Variants in PARP4 observed in about 807,000 individuals in gnomAD.
PARP4 encodes protein mono-ADP-ribosyltransferase PARP4.
Under a neutral mutation model 187.7 loss-of-function variants are expected in PARP4, and 120 were observed. The observed-to-expected ratio is 0.64, with a 90% confidence interval of 0.55 to 0.74. The LOEUF is 0.74. PARP4 is among the 30% of genes least tolerant of loss of function. The pLI is 0.00. For missense variants in PARP4, 1,836 were observed against 2,070.5 expected (o/e 0.89, Z 2.20); for synonymous variants, 654 against 740.9 (o/e 0.88, Z 1.90).
At chr13:24,490,370 T>C (rs1868571945) in intron 10 of PARP4, among the ~76,000 whole-genome samples, 1 of 152,132 alleles carries the variant, frequency 6.6e-6, no homozygotes, top group Non-Finnish European at 1.5e-5. Context: ...TTTAAGTGGC[T>C]TTTTCTCTGT....
At chr13:24,442,893 G>C (rs1871019303) in intron 28 of PARP4, among the ~76,000 whole-genome samples, 1 of 152,126 alleles carries the variant, frequency 6.6e-6, no homozygotes, top group Non-Finnish European at 1.5e-5. Flanking sequence ...AGTTCAGAGA[G>C]CTCTCCCGGG....
intron 20 of PARP4, among the ~76,000 whole-genome samples, chr13:24,456,844 G>A (rs1169006336): frequency 6.6e-6 from 1 of 152,070 alleles, no homozygotes; most frequent in Non-Finnish European, 1.5e-5. Flanking sequence ...AGGTTGCAGT[G>A]AGCCAAGATC....
intron 21 of PARP4, 76 bp from the exon 22 acceptor site, chr13:24,455,288 A>G (rs2137475078): frequency 9.1e-7 from 1 of 1,094,186 alleles, no homozygotes; most frequent in Non-Finnish European, 1.3e-6. Flanking sequence ...GAAAACTCCA[A>G]AACTTTCTAG....
chr13:24,435,450 G>T lies in PARP4; in HGVS notation c.3691C>A (p.Pro1231Thr), dbSNP rs1264924698. Residue 1231 changes from proline (P) to threonine (T), a missense_variant, in exon 31 of 34, where the codon CCA (proline) becomes ACA (threonine). Around this residue, in one of 8 missense-constraint regions of PARP4, gnomAD observed 450 missense variants for 439.2 expected, o/e 1.02. Transcript: ENST00000381989. ...TTTCGTTTGGATAAACGTAATTCTG[G>T]CCACTCAGAGGATGCTAAAAGAGAC... is the stretch of plus-strand genomic sequence containing the variant. ...NQSLLASSEW[P>T]ELRLSKRKHR... 8 of 1,604,166 alleles carry T rather than the reference G, an allele frequency of 5.0e-6. No individual in the cohort carries two copies. The South Asian group carries it at 7.8e-5, about 16-fold the overall frequency.
At chr13:24,475,354 G>T in intron 15 of PARP4, 118 bp downstream of exon 15, 3 of 1,021,476 alleles carry the variant, frequency 2.9e-6, no homozygotes, top group Non-Finnish European at 2.9e-6. Flanking sequence ...AATATCTCTT[G>T]AATAAAATAC....
At position 24,459,324 on chromosome 13, in the gene PARP4, A is replaced by G; in HGVS notation, c.2299-14T>C. On this transcript the variant is annotated splice_polypyrimidine_tract_variant and intron_variant, in intron 18 of 33. Transcript: ENST00000381989. ...CTCTACTGTATCCTGTTAAAAGAAA[A>G]ATACATTTGTATAACTAAGCATATA... 1 of 1,530,820 alleles carries G rather than the reference A, an allele frequency of 6.5e-7. No homozygotes were observed. The highest frequency in any genetic ancestry group is 8.9e-7 in the Non-Finnish European group (1 of 1,126,606). 94.8% of individuals were successfully genotyped at this position (1,530,820 alleles called of 1,614,324 possible).
Position 24,452,430 on chromosome 13 carries a change from G to T in PARP4, c.2990C>A (p.Thr997Asn). 6.2e-7 allele frequency: 1 copy of T among 1,613,692 alleles called. No homozygotes were observed. The highest frequency in any genetic ancestry group is 8.5e-7 in the Non-Finnish European group (1 of 1,179,880). Residue 997 changes from threonine (T) to asparagine (N), a missense_variant, in exon 24 of 34, where the codon ACC (threonine) becomes AAC (asparagine). Transcript: ENST00000381989. ...LQLVKRSRPHTRLFACGIGST... is the reference protein window; with the variant it reads ...LQLVKRSRPHNRLFACGIGST... The stretch of plus-strand genomic sequence containing the variant: ...CCCGATACCGCAGGCGAATAACCTG[G>T]TGTGCGGGCGGCTCCTCTTCACGAG...
rs762759487 is a variant in PARP4 at position 24,470,039 on chromosome 13, A to G, written c.1915-14T>C. On this transcript the variant is annotated splice_polypyrimidine_tract_variant and intron_variant, in intron 15 of 33. Coordinates refer to ENST00000381989, the MANE Select transcript of PARP4 (RefSeq NM_006437.4). ...AAAAACAATGACCTGAAGAAGAAAA[A>G]AAATCCATACAATTGATGAGACCAC... The G allele has an allele frequency of 1.7e-5, 28 of 1,609,550 alleles. No individual in the cohort carries two copies. The highest frequency in any genetic ancestry group is 2.3e-5 in the Non-Finnish European group (27 of 1,177,840).
At chr13:24,464,320 A>G (rs1219464539) in intron 17 of PARP4, among the ~76,000 whole-genome samples, 1 of 152,206 alleles carries the variant, frequency 6.6e-6, no homozygotes, top group Non-Finnish European at 1.5e-5. Context: ...ATGGAACCAA[A>G]AAAGAGCCTG....
In PARP4 at chr13:24,435,242, G is replaced by A; in HGVS notation, c.3899C>T (p.Pro1300Leu). Residue 1300 changes from proline (P) to leucine (L), a missense_variant, in exon 31 of 34, where the codon CCA becomes CTA. Transcript: ENST00000381989. ...CCATGGACTGACTTTCTTAAATAGT[G>A]GTTCAGTTGCTGTTGGTTTACATGA... The part of the protein sequence containing the change: ...TESCKPTATE[P>L]LFKKVSPWET... 6.2e-7 allele frequency: 1 copy of A among 1,613,978 alleles called. No homozygotes were observed. The highest frequency in any genetic ancestry group is 8.5e-7 in the Non-Finnish European group (1 of 1,179,988).
intron 5 of PARP4, among the ~76,000 whole-genome samples, chr13:24,498,570 C>T (rs948339087): frequency 2.0e-5 from 3 of 152,052 alleles, no homozygotes; most frequent in Non-Finnish European, 4.4e-5. Context: ...TGGAACATCA[C>T]TTTGAAGGCT....
chr13:24,479,363 A>G (rs1375827109), intron 12 of PARP4, among the ~76,000 whole-genome samples: 1 of 151,212 alleles, frequency 6.6e-6, no homozygotes, highest in Non-Finnish European at 1.5e-5. Context: ...ATTAAACCCC[A>G]CTCTGGACTT....
intron 12 of PARP4, among the ~76,000 whole-genome samples, chr13:24,479,594 G>T (rs532805953): frequency 1.3e-5 from 2 of 152,156 alleles, no homozygotes; most frequent in East Asian, 3.9e-4. Flanking sequence ...ACCTTTGTGT[G>T]GACACTCTGT....
chr13:24,501,554 T>G, intron 3 of PARP4, 79 bp downstream of exon 3: 1 of 909,252 alleles, frequency 1.1e-6, no homozygotes, highest in South Asian at 1.5e-5. Context: ...GACAATTCTC[T>G]GCCTATGGTA....
At position 24,486,213 on chromosome 13, in the gene PARP4, A is replaced by G; in HGVS notation, c.1307T>C (p.Leu436Ser). ...FLSKLGNVRP[L>S]LHGSPVQNIV... ...GTTTTGTACAGGAGAACCATGCAACAAGGGCCTCACATTACCAAGTTTGCT... is the reference window on the plus strand; with the variant it reads ...GTTTTGTACAGGAGAACCATGCAACGAGGGCCTCACATTACCAAGTTTGCT... Residue 436 changes from leucine to serine, a missense_variant, in exon 11 of 34, where the codon TTG (leucine) becomes TCG (serine). Physicochemically the swap from Leu to Ser is moderately radical, Grantham distance 145. This residue lies in a region of PARP4 where 1,147 missense variants were observed against 1,214.2 expected (regional missense o/e 0.94). Transcript: ENST00000381989. 1 of 1,613,954 alleles carries G rather than the reference A, an allele frequency of 6.2e-7. No homozygotes were observed.
intron 15 of PARP4, among the ~76,000 whole-genome samples, chr13:24,474,083 C>A (rs1017081901): frequency 6.6e-6 from 1 of 152,136 alleles, no homozygotes; most frequent in African/African-American, 2.4e-5. Flanking sequence ...CTGATGGCCC[C>A]CAACCTGCCC....
chr13:24,447,653 G>A (rs752996648), intron 25 of PARP4, among the ~76,000 whole-genome samples: 26 of 152,194 alleles, frequency 1.7e-4, no homozygotes, highest in African/African-American at 5.1e-4. Flanking sequence ...GAGCCACCAC[G>A]CCCAGCTAGA....
chr13:24,449,375 A>G (rs1221604914), intron 25 of PARP4, among the ~76,000 whole-genome samples: 18 of 116,062 alleles, frequency 1.6e-4, no homozygotes, highest in African/African-American at 4.9e-4. Flanking sequence ...GCGACAGAGC[A>G]AGACTCTGTC....
chr13:24,490,567 T>C (rs907768770), intron 10 of PARP4, 101 bp downstream of exon 10: 7 of 917,410 alleles, frequency 7.6e-6, no homozygotes, highest in Admixed American at 2.1e-5. Flanking sequence ...CTGTGGCTTG[T>C]TGCTGAAGAT....
Sources: allele counts gnomAD v4.1 joint callset (sites outside exome capture counted in the v4.1 genomes callset), GRCh38; gene constraint gnomAD v4.1.1; regional missense constraint gnomAD v4.1.1; transcripts MANE v1.5; gene names NCBI Gene and HGNC (gene_info 2026-07-23, HGNC 2026-07-21).